Variants in DLG1 observed in about 807,000 individuals in gnomAD.
DLG1 encodes disks large homolog 1.
DLG1 carries 42 observed loss-of-function variants against 123.4 expected under a neutral mutation model. That is an observed-to-expected ratio of 0.34 (90% CI 0.27 to 0.44). The LOEUF (loss-of-function observed/expected upper bound fraction) is 0.44. DLG1 is among the 20% of genes least tolerant of loss of function. The pLI, the probability that DLG1 is intolerant of heterozygous loss-of-function variation, is 1.00. For missense variants in DLG1, 942 were observed against 1,082.6 expected, an observed-to-expected ratio of 0.87 and a Z score of 1.82; for synonymous variants, 317 against 356.2, an observed-to-expected ratio of 0.89 and a Z score of 1.24.
chr3:197,231,813 T>C (rs1396812008), intron 4 of DLG1, among the ~76,000 whole-genome samples: 1 of 152,150 alleles, frequency 6.6e-6, no homozygotes, highest in African/African-American at 2.4e-5. Context: ...TCAAATCAAA[T>C]GCAGTAACAT....
intron 4 of DLG1, among the ~76,000 whole-genome samples, chr3:197,263,656 G>T (rs371936998): frequency 6.6e-6 from 1 of 151,892 alleles, no homozygotes; most frequent in Non-Finnish European, 1.5e-5. Context: ...GCGTGGTGGC[G>T]CATGCCTGTA....
At chr3:197,134,455 A>G (rs1175895088) in intron 10 of DLG1, among the ~76,000 whole-genome samples, 1 of 145,678 alleles carries the variant, frequency 6.9e-6, no homozygotes, top group African/African-American at 2.6e-5. Context: ...TCTTCCCAGG[A>G]AAATTATTCA....
intron 5 of DLG1, among the ~76,000 whole-genome samples, chr3:197,151,623 GA>G (rs1793895616): frequency 6.6e-6 from 1 of 152,132 alleles, no homozygotes; most frequent in South Asian, 2.1e-4. Context: ...TTCTACATTT[GA>G]ATATTTCTGA....
chr3:197,293,545 C>T (rs1382735633), intron 3 of DLG1, among the ~76,000 whole-genome samples: 1 of 152,098 alleles, frequency 6.6e-6, no homozygotes, highest in African/African-American at 2.4e-5. Flanking sequence ...ACAGTACGTA[C>T]ATGCTTGTCC....
chr3:197,092,629 G>T (rs1306118305), intron 14 of DLG1, among the ~76,000 whole-genome samples: 4 of 152,046 alleles, frequency 2.6e-5, no homozygotes, highest in Admixed American at 1.3e-4. Flanking sequence ...TTCCGAGTAG[G>T]TGAGACCATC....
chr3:197,066,725 CATAAG>C lies in DLG1; in HGVS notation c.2072_2076del (p.Ser691Ter). Reference sequence around the variant, plus strand: ...AAACCTTCTTGTTGATTCACTGGTTCATAAGATAAGACGTATTCTTCTTGACCACC... The same window carrying C: ...AAACCTTCTTGTTGATTCACTGGTTCATAAGACGTATTCTTCTTGACCACC... On this transcript the variant is annotated frameshift_variant, in exon 20 of 25. Coordinates refer to ENST00000667157, the MANE Select transcript of DLG1 (RefSeq NM_001366207.1). LOFTEE classifies it high-confidence loss of function. 1.2e-6 allele frequency: 2 copies of C among 1,605,650 alleles called. No individual in the cohort carries two copies. The highest frequency in any genetic ancestry group is 8.5e-7 in the Non-Finnish European group (1 of 1,173,784).
intron 14 of DLG1, among the ~76,000 whole-genome samples, chr3:197,096,802 A>G (rs1009320931): frequency 3.3e-5 from 5 of 152,202 alleles, no homozygotes; most frequent in African/African-American, 9.7e-5. Flanking sequence ...TTCATAAACT[A>G]TATGTCTTTC....
chr3:197,245,109 T>C (rs1038428547), intron 4 of DLG1, among the ~76,000 whole-genome samples: 7 of 152,142 alleles, frequency 4.6e-5, no homozygotes, highest in African/African-American at 1.7e-4. Context: ...AGATGGCTTT[T>C]TAGGGTTTGG....
chr3:197,198,047 T>C (rs1055431089), intron 4 of DLG1, among the ~76,000 whole-genome samples: 1 of 152,138 alleles, frequency 6.6e-6, no homozygotes, highest in Admixed American at 6.5e-5. Context: ...TTTGTGACCT[T>C]AGGATTAGGA....
At chr3:197,091,383 TAAGG>T (rs1757645382) in intron 14 of DLG1, among the ~76,000 whole-genome samples, 1 of 151,982 alleles carries the variant, frequency 6.6e-6, no homozygotes, top group Non-Finnish European at 1.5e-5. Context: ...ATTTTTATAT[TAAGG>T]AAGAAACCTA....
At chr3:197,148,241 A>T (rs1332393931) in intron 6 of DLG1, among the ~76,000 whole-genome samples, 1 of 131,500 alleles carries the variant, frequency 7.6e-6, no homozygotes, top group Non-Finnish European at 1.6e-5. Context: ...CTCTACCAAA[A>T]ATACAAAAAA....
intron 11 of DLG1, among the ~76,000 whole-genome samples, chr3:197,124,513 C>A (rs1436902420): frequency 6.6e-6 from 1 of 151,970 alleles, no homozygotes; most frequent in Non-Finnish European, 1.5e-5. Context: ...TGACCTCATG[C>A]TCCGCCCGCC....
chr3:197,229,486 G>C (rs1371478755), intron 4 of DLG1, among the ~76,000 whole-genome samples: 1 of 147,630 alleles, frequency 6.8e-6, no homozygotes, highest in Non-Finnish European at 1.5e-5. Flanking sequence ...GTCCTAGACA[G>C]TGAAGTTATA....
chr3:197,107,557 C>CA (rs948134154), intron 13 of DLG1, among the ~76,000 whole-genome samples: 11 of 150,440 alleles, frequency 7.3e-5, no homozygotes, highest in Non-Finnish European at 1.0e-4. Flanking sequence ...GAACAAAAAA[C>CA]AAAAAAACCA....
intron 4 of DLG1, among the ~76,000 whole-genome samples, chr3:197,271,918 G>A (rs576069547): frequency 1.5e-4 from 23 of 152,274 alleles, no homozygotes; most frequent in Admixed American, 2.6e-4. Flanking sequence ...GCAAAAAACT[G>A]TACCCAGAGG....
At chr3:197,204,254 T>C (rs924138299) in intron 4 of DLG1, among the ~76,000 whole-genome samples, 3 of 152,240 alleles carry the variant, frequency 2.0e-5, no homozygotes, top group African/African-American at 7.2e-5. Flanking sequence ...ACTATTCTTT[T>C]TGTTCTTGAC....
chr3:197,255,330 G>A (rs376866738), intron 4 of DLG1, among the ~76,000 whole-genome samples: 21 of 152,236 alleles, frequency 1.4e-4, no homozygotes, highest in East Asian at 9.6e-4. Flanking sequence ...TAGTCAAAAC[G>A]TAGGTTGCCT....
At chr3:197,102,433 T>C in intron 14 of DLG1, among the ~76,000 whole-genome samples, 1 of 152,248 alleles carries the variant, frequency 6.6e-6, no homozygotes, top group Non-Finnish European at 1.5e-5. Flanking sequence ...ATGCTGATTA[T>C]CAGAGTGTCG....
intron 4 of DLG1, among the ~76,000 whole-genome samples, chr3:197,248,950 C>G (rs4916423): frequency 0.15 from 22,511 of 152,102 alleles, 1,744 homozygotes; most frequent in African/African-American, 0.19. Flanking sequence ...CCACTGCACT[C>G]TGGCCTAGGC....
Sources: allele counts gnomAD v4.1 joint callset (sites outside exome capture counted in the v4.1 genomes callset), GRCh38; gene constraint gnomAD v4.1.1; transcripts MANE v1.5; gene names NCBI Gene and HGNC (gene_info 2026-07-23, HGNC 2026-07-21).